The following CLEC4F variants were observed in gnomAD, a reference collection of about 807,000 sequenced individuals.
The protein encoded by CLEC4F is C-type lectin domain family 4 member F.
Under a neutral mutation model 53.4 loss-of-function variants are expected in CLEC4F, and 45 were observed. The observed-to-expected ratio is 0.84, with a 90% CI of 0.66 to 1.08. The LOEUF (loss-of-function observed/expected upper bound fraction) is 1.08. Ranked by LOEUF, CLEC4F falls within the 50% of genes least tolerant of loss-of-function variation. The pLI is 0.00. For synonymous variants in CLEC4F, 245 were observed against 257.5 expected (o/e 0.95, Z 0.46); for missense variants, 753 against 698.2 (o/e 1.08, Z -0.88).
intron 2 of CLEC4F, 33 bp from the exon 3 acceptor site, chr2:70,819,477 C>T (rs1286891623): frequency 7.5e-6 from 12 of 1,591,328 alleles, no homozygotes; most frequent in South Asian, 2.2e-5. Flanking sequence ...GTCAGCAAAT[C>T]CCCAGCCCTG....
chr2:70,809,407 C>T (rs1312446953), intron 6 of CLEC4F, 25 bp from the exon 7 acceptor site: 1 of 1,576,622 alleles, frequency 6.3e-7, no homozygotes, highest in Non-Finnish European at 8.6e-7. Context: ...GGGAAAAAAA[C>T]AGAAAGACCC....
At chr2:70,814,634 G>C (rs1553395316) in intron 4 of CLEC4F, among the ~76,000 whole-genome samples, 1 of 152,146 alleles carries the variant, frequency 6.6e-6, no homozygotes, top group East Asian at 1.9e-4. Flanking sequence ...GCGTAGCCAT[G>C]CTCATTAGTT....
upstream of CLEC4F, among the ~76,000 whole-genome samples, chr2:70,822,073 T>C (rs1295202235): frequency 6.6e-6 from 1 of 152,168 alleles, no homozygotes; most frequent in Admixed American, 6.5e-5. Flanking sequence ...CCCCCAAATT[T>C]GTAGTTGACC....
upstream of CLEC4F, among the ~76,000 whole-genome samples, chr2:70,824,637 AAAAAAAAAACT>A (rs1677305316): frequency 6.7e-6 from 1 of 149,970 alleles, no homozygotes; most frequent in African/African-American, 2.4e-5. Context: ...AAAAAAAAAA[AAAAAAAAAACT>A]GAGGGAAGTA....
chr2:70,813,618 T>TCTTTCTTTCTTTCTTTCTTC (rs1553395008), intron 4 of CLEC4F, among the ~76,000 whole-genome samples: 58 of 147,900 alleles, frequency 3.9e-4, no homozygotes, highest in African/African-American at 1.4e-3. Context: ...TTTCTTTCTT[T>TCTTTCTTTCTTTCTTTCTTC]CTTTCTTTCT....
rs1553394550 is a variant in CLEC4F, at chr2:70,812,559, T to C, written c.1427A>G (p.Asn476Ser). ...AGAAAAATAATATAAGCTTCCACCATTGAACTTCCAGCCTTGCAGGACCAT... is the reference window on the plus strand; with the variant it reads ...AGAAAAATAATATAAGCTTCCACCACTGAACTTCCAGCCTTGCAGGACCAT... The part of the protein sequence containing the change: ...LQMVLQGWKF[N>S]GGSLYYFSSV... The change falls in exon 5 of 7, where the codon AAT becomes AGT. Residue 476 changes from asparagine (N) to serine (S), a missense_variant. Asn to Ser is a conservative substitution (Grantham distance 46). Coordinates refer to ENST00000272367, the MANE Select transcript of CLEC4F (RefSeq NM_173535.3). 7 of 1,614,142 alleles carry C rather than the reference T, an allele frequency of 4.3e-6. No individual in the cohort carries two copies. The highest frequency in any genetic ancestry group is 4.5e-5 in the East Asian group (2 of 44,880).
At chr2:70,818,646 G>C (rs1677059808) in intron 3 of CLEC4F, among the ~76,000 whole-genome samples, 1 of 152,038 alleles carries the variant, frequency 6.6e-6, no homozygotes, top group Non-Finnish European at 1.5e-5. Context: ...GGGAGGCAGA[G>C]CTTGCAGTGA....
chr2:70,811,515 T>G (rs781899025), intron 5 of CLEC4F: 6 of 419,406 alleles, frequency 1.4e-5, no homozygotes, highest in Non-Finnish European at 2.8e-5. Context: ...AGATGTGTTT[T>G]ACGAAGTTGC....
chr2:70,812,310 C>A (rs1487035113), intron 5 of CLEC4F, 137 bp downstream of exon 5: 2 of 868,372 alleles, frequency 2.3e-6, no homozygotes, highest in East Asian at 5.2e-5. Context: ...TCAGAACTCA[C>A]TCAATATTTG....
upstream of CLEC4F, among the ~76,000 whole-genome samples, chr2:70,823,754 C>T (rs1185241214): frequency 6.6e-6 from 1 of 152,166 alleles, no homozygotes; most frequent in Non-Finnish European, 1.5e-5. Flanking sequence ...ACTGGCCAGG[C>T]ACGGTGGCTC....
In CLEC4F at chr2:70,808,812, AGT is replaced by A; in HGVS notation, c.*457_*458del. 1 of 487,898 alleles carries A rather than the reference AGT, an allele frequency of 2.0e-6. No homozygotes were observed. Among genetic ancestry groups the A allele is most frequent in the Non-Finnish European group, 3.7e-6 (1 of 267,506 alleles). The allele number at this position is 487,898 out of a possible 1,614,324, so 30.2% of individuals were successfully genotyped here. A position where few individuals can be genotyped will look rare whatever the true frequency, so the allele number is the denominator to read the frequency against. ...GGCTGAATCAAAGAACAAGGCAGGA[AGT>A]CCACAAGGCCAACGGAAGGTCCCAG... On this transcript the variant is annotated 3_prime_UTR_variant, in exon 7 of 7. Transcript: ENST00000272367.
At position 70,815,084 on chromosome 2, in the gene CLEC4F, C is replaced by T. The variant is rs150215912; in HGVS notation, c.1387+910G>A. Among the ~76,000 whole-genome samples the T allele has an allele frequency of 6.2e-3, 947 of 152,316 alleles. 7 individuals carry two copies. Among genetic ancestry groups the T allele is most frequent in the Middle Eastern group, 0.02 (6 of 294 alleles). The stretch of plus-strand genomic sequence containing the variant: ...GAACGTCACTGCTGCCCACCAAGCC[C>T]TCATTTGTTAGCCCCCATTTCTTCA... On this transcript the variant is annotated intron_variant, in intron 4 of 6. Coordinates refer to ENST00000272367, the MANE Select transcript of CLEC4F (RefSeq NM_173535.3).
chr2:70,820,054 A>G (rs1553397581), intron 1 of CLEC4F, among the ~76,000 whole-genome samples, 163 bp from the exon 2 acceptor site: 1 of 152,188 alleles, frequency 6.6e-6, no homozygotes, highest in African/African-American at 2.4e-5. Context: ...GAGAAGGAAG[A>G]CAAAACACTT....
intron 4 of CLEC4F, among the ~76,000 whole-genome samples, chr2:70,814,162 A>G (rs1553395209): frequency 6.6e-6 from 1 of 152,172 alleles, no homozygotes; most frequent in Non-Finnish European, 1.5e-5. Context: ...ATGAATTTGG[A>G]CAGGTTCACC....
upstream of CLEC4F, among the ~76,000 whole-genome samples, chr2:70,824,184 A>C (rs1212627794): frequency 6.6e-6 from 1 of 152,140 alleles, no homozygotes; most frequent in Admixed American, 6.5e-5. Context: ...GCTTCTTGAC[A>C]TGATGTGAGC....
At position 70,816,473 on chromosome 2, in the gene CLEC4F, T is replaced by A. The variant is rs889137082; in HGVS notation, c.908A>T (p.Gln303Leu). 6.2e-7 allele frequency: 1 copy of A among 1,614,222 alleles called. No individual in the cohort carries two copies. Among genetic ancestry groups the A allele is most frequent in the South Asian group, 1.1e-5 (1 of 91,080 alleles). ...GTCAAAACTGCTTTTTATAAAGGCC[T>A]GGGTCTGGGAGTTTAAAGCATTTGT... ...QNTNALNSQT[Q>L]AFIKSSFDNT... Residue 303 changes from glutamine to leucine, a missense_variant, in exon 4 of 7, where the codon CAG (glutamine) becomes CTG (leucine). Transcript: ENST00000272367.
chr2:70,824,928 A>G (rs1553398695), upstream of CLEC4F, among the ~76,000 whole-genome samples: 1 of 152,222 alleles, frequency 6.6e-6, no homozygotes, highest in Non-Finnish European at 1.5e-5. Context: ...TTCAGTGTGA[A>G]CTGCATATAG....
At chr2:70,812,288 T>G (rs1475251710) in intron 5 of CLEC4F, among the ~76,000 whole-genome samples, 159 bp downstream of exon 5, 1 of 152,112 alleles carries the variant, frequency 6.6e-6, no homozygotes, top group Non-Finnish European at 1.5e-5. Context: ...CTACCTCCAG[T>G]GCATATGCTC....
Position 70,819,390 on chromosome 2 carries a change from T to C in CLEC4F, c.233A>G (p.Asp78Gly). Reference sequence around the variant, plus strand: ...AAAAGGTAAATGCCCAGTAATGTTGTCTCCCAGAATTACGGCTTGCACAGG... The same window carrying C: ...AAAAGGTAAATGCCCAGTAATGTTGCCTCCCAGAATTACGGCTTGCACAGG... ...PKPVQAVILGDNITGHLPFEP... is the reference protein window; with the variant it reads ...PKPVQAVILGGNITGHLPFEP... Residue 78 changes from aspartate to glycine, a missense_variant, in exon 3 of 7, where the codon GAC (aspartate) becomes GGC (glycine). By Grantham distance (94) the Asp-to-Gly change is moderately conservative. Transcript: ENST00000272367. 3 of 1,614,114 alleles carry C rather than the reference T, an allele frequency of 1.9e-6. No individual in the cohort carries two copies. Among genetic ancestry groups the C allele is most frequent in the Non-Finnish European group, 2.5e-6 (3 of 1,180,006 alleles).
Sources: gnomAD v4.1 joint callset for allele counts (sites outside exome capture counted in the v4.1 genomes callset) on GRCh38, gnomAD v4.1.1 for gene constraint, MANE v1.5 for transcripts, NCBI Gene and HGNC (gene_info 2026-07-23, HGNC 2026-07-21) for gene names.